SIRPA: variants seen among roughly 807,000 people sequenced by gnomAD.
SIRPA encodes the protein signal regulatory protein alpha.
SIRPA carries 9 observed loss-of-function variants against 50.3 expected under a neutral mutation model. The observed-to-expected ratio is 0.18, with a 90% confidence interval of 0.11 to 0.31. The LOEUF is 0.31. SIRPA is among the 10% of genes least tolerant of loss of function. The pLI, the probability that SIRPA is intolerant of heterozygous loss-of-function variation, is 1.00. For synonymous variants in SIRPA, 265 were observed against 284.1 expected (o/e 0.93, Z 0.68); for missense variants, 474 against 661.6 (o/e 0.72, Z 3.11).
At position 1,928,417 on chromosome 20, in the gene SIRPA, T is replaced by G. The variant is rs368798517; in HGVS notation, c.1226+518T>G. ...CTGATGTACGTCACCGATGGCACTTTAGTTTGTTGATTCACATTTTTAGTG... is the reference window on the plus strand; with the variant it reads ...CTGATGTACGTCACCGATGGCACTTGAGTTTGTTGATTCACATTTTTAGTG... On this transcript the variant is annotated intron_variant, in intron 6 of 7. Transcript: ENST00000358771. The surrounding 1 kb of genome is among the most constrained non-coding windows in gnomAD (Gnocchi z 4.9). 9.2e-5 allele frequency among the ~76,000 whole-genome samples: 14 copies of G among 152,328 alleles called. No homozygotes were observed. In the South Asian group the frequency reaches 1.5e-3, roughly 16 times the overall value.
At position 1,932,778 on chromosome 20, in the gene SIRPA, G is replaced by A. The variant is rs1317156968; in HGVS notation, c.1227-1937G>A. 1.3e-5 allele frequency among the ~76,000 whole-genome samples: 2 copies of A among 152,088 alleles called. No individual in the cohort carries two copies. The highest frequency in any genetic ancestry group is 2.1e-4 in the South Asian group (1 of 4,820). On this transcript the variant is annotated intron_variant, in intron 6 of 7. Coordinates refer to ENST00000358771, the MANE Select transcript of SIRPA (RefSeq NM_001040023.2). This position sits in a 1 kb window ranked among gnomAD's most constrained non-coding sequence, Gnocchi z 6.0. ...TGATGGATATTTTGGAGGTGGAGCC[G>A]ACGAGCCCTAGGTTGGATTAGATGA...
chr20:1,933,132 T>G lies in SIRPA; in HGVS notation c.1227-1583T>G, dbSNP rs543617622. Among the ~76,000 whole-genome samples the G allele has an allele frequency of 5.3e-5, 8 of 152,292 alleles. No homozygotes were observed. In the South Asian group the frequency reaches 6.2e-4, roughly 12 times the overall value. On this transcript the variant is annotated intron_variant, in intron 6 of 7. Transcript: ENST00000358771. The surrounding 1 kb of genome is among the most constrained non-coding windows in gnomAD (Gnocchi z 4.4). ...CTGGGGCAGCCTGACTGGCATTCAT[T>G]CCAAGTCACTGTTTTTGAGCACATG...
chr20:1,897,711 T>G (rs1983914553), intron 1 of SIRPA, among the ~76,000 whole-genome samples: 1 of 150,778 alleles, frequency 6.6e-6, no homozygotes, highest in African/African-American at 2.4e-5. Context: ...GTCACATGAT[T>G]CCTGTGTCTT....
intron 6 of SIRPA, among the ~76,000 whole-genome samples, chr20:1,929,446 A>G (rs1243175218): frequency 6.6e-6 from 1 of 152,082 alleles, no homozygotes; most frequent in Non-Finnish European, 1.5e-5. Context: ...GGAGTGCTGT[A>G]TCCTGAGTTG....
chr20:1,937,017 G>C lies in SIRPA; in HGVS notation c.1267-303G>C, dbSNP rs912919298. Among the ~76,000 whole-genome samples, 2 of 152,180 alleles carry C rather than the reference G, an allele frequency of 1.3e-5. No homozygotes were observed. Among genetic ancestry groups the C allele is most frequent in the African/African-American group, 4.8e-5 (2 of 41,440 alleles). On this transcript the variant is annotated intron_variant, in intron 7 of 7. Coordinates refer to ENST00000358771, the MANE Select transcript of SIRPA (RefSeq NM_001040023.2). This position sits in a 1 kb window ranked among gnomAD's most constrained non-coding sequence, Gnocchi z 8.3. ...ACATGAGAAATGGGTGAAGACTGCAGGTGGTTCAGGCTAGGAGGAGGCAGG... is the reference window on the plus strand; with the variant it reads ...ACATGAGAAATGGGTGAAGACTGCACGTGGTTCAGGCTAGGAGGAGGCAGG...
At chr20:1,897,893 C>A (rs1391322488) in intron 1 of SIRPA, among the ~76,000 whole-genome samples, 1 of 152,242 alleles carries the variant, frequency 6.6e-6, no homozygotes, top group Non-Finnish European at 1.5e-5. Flanking sequence ...AATGTGAGGC[C>A]TGTTTCCTAA....
intron 1 of SIRPA, among the ~76,000 whole-genome samples, chr20:1,899,821 G>T (rs1264735166): frequency 6.6e-6 from 1 of 152,192 alleles, no homozygotes; most frequent in East Asian, 1.9e-4. Context: ...TGTAAAAGAG[G>T]AATGGTATTA....
At chr20:1,929,170 G>A (rs1286599740) in intron 6 of SIRPA, among the ~76,000 whole-genome samples, 1 of 152,038 alleles carries the variant, frequency 6.6e-6, no homozygotes, top group Non-Finnish European at 1.5e-5. Flanking sequence ...ATCCGCAGTG[G>A]GATGAGGAAC....
intron 2 of SIRPA, 121 bp downstream of exon 2, chr20:1,915,576 C>A: frequency 1.7e-6 from 2 of 1,207,928 alleles, no homozygotes; most frequent in South Asian, 1.4e-5. Flanking sequence ...GAATTGATGT[C>A]TCCCCCTTTT....
In SIRPA at chr20:1,921,465, C is replaced by A; in HGVS notation, c.507C>A (p.Thr169=). The part of the protein sequence containing the change: ...RATPQHTVSF[T]CESHGFSPRD... ...CACCTCAGCACACAGTGAGCTTCAC[C>A]TGCGAGTCCCACGGCTTCTCACCCA... Residue 169 remains threonine (T), a synonymous_variant, in exon 3 of 8, where the codon ACC becomes ACA. Coordinates refer to ENST00000358771, the MANE Select transcript of SIRPA (RefSeq NM_001040023.2). 6.2e-7 allele frequency: 1 copy of A among 1,613,946 alleles called. No individual in the cohort carries two copies.
rs1010587117 is a variant in SIRPA, at chr20:1,933,404, C to G, written c.1227-1311C>G. 2.0e-5 allele frequency among the ~76,000 whole-genome samples: 3 copies of G among 150,458 alleles called. No homozygotes were observed. The highest frequency in any genetic ancestry group is 2.0e-4 in the Admixed American group (3 of 15,142). On this transcript the variant is annotated intron_variant, in intron 6 of 7. Coordinates refer to ENST00000358771, the MANE Select transcript of SIRPA (RefSeq NM_001040023.2). The surrounding 1 kb of genome is among the most constrained non-coding windows in gnomAD (Gnocchi z 4.4). ...GAAGTACATAACATCAAATGCCACC[C>G]CCCCCCCGAAATATCTGGTGGGCAG...
intron 2 of SIRPA, among the ~76,000 whole-genome samples, chr20:1,916,872 G>A (rs1429562141): frequency 1.3e-5 from 2 of 152,186 alleles, no homozygotes; most frequent in Admixed American, 6.5e-5. Flanking sequence ...GTGTTTTAAT[G>A]TGTGTGGATA....
chr20:1,915,590 A>G, intron 2 of SIRPA, 135 bp downstream of exon 2: 3 of 1,131,686 alleles, frequency 2.7e-6, no homozygotes, highest in Non-Finnish European at 3.9e-6. Context: ...CCCTTTTACA[A>G]ATAAGGGAAG....
Position 1,898,904 on chromosome 20 carries a change from C to T in SIRPA, c.79+3378C>T, listed in dbSNP as rs1046456931. On this transcript the variant is annotated intron_variant, in intron 1 of 7. Coordinates refer to ENST00000358771, the MANE Select transcript of SIRPA (RefSeq NM_001040023.2). The surrounding 1 kb of genome is among the most constrained non-coding windows in gnomAD (Gnocchi z 4.3). ...AGCCCCCCATCTGGGCTGCTGAGCTCTGGAGCCCCCAGAGCTGGAATATTC... is the reference window on the plus strand; with the variant it reads ...AGCCCCCCATCTGGGCTGCTGAGCTTTGGAGCCCCCAGAGCTGGAATATTC... Among the ~76,000 whole-genome samples, 25 of 152,118 alleles carry T rather than the reference C, an allele frequency of 1.6e-4. No homozygotes were observed. The highest frequency in any genetic ancestry group is 3.2e-4 in the Non-Finnish European group (22 of 68,028).
At chr20:1,894,380 C>G (rs1983629292), upstream of SIRPA, 1 of 152,150 alleles carries the variant, frequency 6.6e-6, no homozygotes. This position sits in a 1 kb window ranked among gnomAD's most constrained non-coding sequence, Gnocchi z 4.0. Context: ...CTTCCCCGGT[C>G]CACCTTAAGA....
At position 1,908,788 on chromosome 20, in the gene SIRPA, C is replaced by T. The variant is rs562432569; in HGVS notation, c.80-6311C>T. ...ACACTCATGTTCACGTGTTCTATTG[C>T]ACAGCCCTGTACTATATCCTGTGTA... is the stretch of plus-strand genomic sequence containing the variant. On this transcript the variant is annotated intron_variant, in intron 1 of 7. Transcript: ENST00000358771. Among the ~76,000 whole-genome samples the T allele has an allele frequency of 4.6e-5, 7 of 152,326 alleles. No homozygotes were observed. The East Asian group carries it at 7.7e-4, about 17-fold the overall frequency.
At chr20:1,923,900 T>C (rs929868849) in intron 4 of SIRPA, among the ~76,000 whole-genome samples, 1 of 152,246 alleles carries the variant, frequency 6.6e-6, no homozygotes, top group Admixed American at 6.5e-5. Context: ...CTCAGCATTG[T>C]AGCTTCAGGG....
intron 1 of SIRPA, among the ~76,000 whole-genome samples, chr20:1,913,048 T>A (rs1984997770): frequency 6.6e-6 from 1 of 152,244 alleles, no homozygotes; most frequent in African/African-American, 2.4e-5. Context: ...GTTCTGTTTT[T>A]TTCTCCTGTG....
intron 2 of SIRPA, among the ~76,000 whole-genome samples, chr20:1,920,422 A>G (rs1357495331): frequency 6.6e-6 from 1 of 152,180 alleles, no homozygotes. Flanking sequence ...ATGATTAGCA[A>G]TTTGGAGACA....
Sources: gnomAD v4.1 joint callset for allele counts (sites outside exome capture counted in the v4.1 genomes callset) on GRCh38, gnomAD v4.1.1 for gene constraint, Gnocchi (gnomAD v3.1) non-coding constraint, MANE v1.5 for transcripts, NCBI Gene and HGNC (gene_info 2026-07-23, HGNC 2026-07-21) for gene names.